PFKM: variants seen among roughly 807,000 people sequenced by gnomAD.
PFKM encodes the protein ATP-dependent 6-phosphofructokinase, muscle type.
A neutral mutation model predicts 95.5 loss-of-function variants in PFKM; 58 were observed. The observed-to-expected ratio is 0.61, with a 90% CI of 0.49 to 0.76. The LOEUF (loss-of-function observed/expected upper bound fraction) is 0.76, where lower values mean the gene tolerates loss of function less well. Ranked by LOEUF, PFKM falls within the 30% of genes least tolerant of loss-of-function variation. The pLI is 0.00. For synonymous variants in PFKM, 336 were observed against 357.2 expected (o/e 0.94, Z 0.67); for missense variants, 678 against 1,005.4 (o/e 0.67, Z 4.40).
At chr12:48,125,308 TG>T in intron 2 of PFKM, 1 of 451,210 alleles carries the variant, frequency 2.2e-6, no homozygotes, top group Non-Finnish European at 4.4e-6. Context: ...TTTATCTTTT[TG>T]ATTTTTTTTT....
At chr12:48,126,447 T>C (rs1477777419) in intron 2 of PFKM, among the ~76,000 whole-genome samples, 2 of 152,168 alleles carry the variant, frequency 1.3e-5, no homozygotes, top group Non-Finnish European at 2.9e-5. Flanking sequence ...ATGAATGACT[T>C]CTGGAAGTTG....
At chr12:48,143,875 T>C in intron 19 of PFKM, 61 bp downstream of exon 19, 1 of 1,354,172 alleles carries the variant, frequency 7.4e-7, no homozygotes, top group Non-Finnish European at 1.1e-6. Flanking sequence ...CTCAAACCCA[T>C]AGAATGGCCA....
In PFKM at chr12:48,141,840, C is replaced by T; in HGVS notation, c.1500+13C>T. 6.2e-7 allele frequency: 1 copy of T among 1,613,266 alleles called. No individual in the cohort carries two copies. Among genetic ancestry groups the T allele is most frequent in the South Asian group, 1.1e-5 (1 of 91,070 alleles). On this transcript the variant is annotated intron_variant, in intron 16 of 22. Transcript: ENST00000359794. Reference sequence around the variant, plus strand: ...TGGGGGCTTTGAGGTGAGTGCCTGCCACCATTTCTTCCTCTCTCCCTCCTA... The same window carrying T: ...TGGGGGCTTTGAGGTGAGTGCCTGCTACCATTTCTTCCTCTCTCCCTCCTA...
At chr12:48,142,973 A>G (rs1950704778) in intron 18 of PFKM, 27 bp downstream of exon 18, 1 of 1,604,824 alleles carries the variant, frequency 6.2e-7, no homozygotes, top group Non-Finnish European at 8.5e-7. Context: ...AGCCTGCTAG[A>G]TAGCTCTCCC....
chr12:48,122,574 A>G, intron 1 of PFKM, 193 bp from the exon 2 acceptor site: 1 of 1,427,258 alleles, frequency 7.0e-7, no homozygotes, highest in Non-Finnish European at 9.2e-7. Flanking sequence ...ATTACATGAC[A>G]TTTCAGCTTG....
intron 18 of PFKM, 105 bp from the exon 19 acceptor site, chr12:48,143,648 C>A: frequency 1.2e-6 from 1 of 850,800 alleles, no homozygotes; most frequent in Non-Finnish European, 2.0e-6. Context: ...AAACAACTCT[C>A]TTCCATGTGT....
chr12:48,112,460 A>G (rs1372648383), intron 3 of PFKM, among the ~76,000 whole-genome samples: 1 of 152,224 alleles, frequency 6.6e-6, no homozygotes, highest in Non-Finnish European at 1.5e-5. Context: ...TTTGGGCCTG[A>G]CTGAAGTAAT....
At chr12:48,134,896 C>T (rs1949919493) in intron 8 of PFKM, 47 bp from the exon 9 acceptor site, 1 of 1,586,178 alleles carries the variant, frequency 6.3e-7, no homozygotes. Flanking sequence ...TCTTTCCCAC[C>T]CATCAGCTTC....
At chr12:48,118,512 A>T (rs1466311409), upstream of PFKM, 4 of 1,521,960 alleles carry the variant, frequency 2.6e-6, no homozygotes, top group African/African-American at 5.5e-5. Context: ...CAAGTAAGCA[A>T]GAGGAAGAGG....
At chr12:48,110,534 C>T (rs1016134141) in intron 3 of PFKM, among the ~76,000 whole-genome samples, 2 of 152,156 alleles carry the variant, frequency 1.3e-5, no homozygotes, top group Non-Finnish European at 2.9e-5. Context: ...TGGTGAGGAA[C>T]TCATGTCGTC....
At chr12:48,141,879 T>A (rs202153778) in intron 16 of PFKM, 35 bp from the exon 17 acceptor site, 1 of 1,613,846 alleles carries the variant, frequency 6.2e-7, no homozygotes, top group East Asian at 2.2e-5. Context: ...CCTCTCCCTC[T>A]CCCCAATCCT....
intron 2 of PFKM, among the ~76,000 whole-genome samples, chr12:48,123,337 T>C (rs773005919): frequency 2.6e-5 from 4 of 152,122 alleles, no homozygotes; most frequent in Non-Finnish European, 4.4e-5. Context: ...CTCTGGCCTT[T>C]CCTCCTCTTC....
chr12:48,144,517 C>G (rs569698418), intron 20 of PFKM, among the ~76,000 whole-genome samples: 3 of 152,250 alleles, frequency 2.0e-5, no homozygotes, highest in African/African-American at 7.2e-5. Flanking sequence ...ATGCCAGTAG[C>G]ACCTCCCTCT....
At chr12:48,124,424 T>C (rs1283635803) in intron 2 of PFKM, among the ~76,000 whole-genome samples, 1 of 152,228 alleles carries the variant, frequency 6.6e-6, no homozygotes, top group East Asian at 1.9e-4. Flanking sequence ...ATTGTCAGAT[T>C]AGGGGAAGAA....
In PFKM at chr12:48,145,222, C is replaced by T; in HGVS notation, c.2105C>T (p.Ala702Val). ...TCCCTCATTGCAGGGCGGATCTTTG[C>T]CAATACTCCAGATTCGGGCTGTGTT... ...KESYRNGRIF[A>V]NTPDSGCVLG... The change falls in exon 22 of 23, where the codon GCC becomes GTC. Residue 702 changes from alanine (A) to valine (V), a missense_variant. Transcript: ENST00000359794. The surrounding 1 kb of genome is among the most constrained non-coding windows in gnomAD (Gnocchi z 4.3). 3 of 1,614,060 alleles carry T rather than the reference C, an allele frequency of 1.9e-6. No individual in the cohort carries two copies. Among genetic ancestry groups the T allele is most frequent in the Non-Finnish European group, 2.5e-6 (3 of 1,179,970 alleles).
intron 18 of PFKM, 95 bp downstream of exon 18, chr12:48,143,041 AGCTGATT>A (rs1950713119): frequency 8.3e-7 from 1 of 1,207,090 alleles, no homozygotes; most frequent in African/African-American, 1.5e-5. Context: ...TTGAGGACCG[AGCTGATT>A]GGTCTGTAGA....
chr12:48,119,846 C>T lies in PFKM; in HGVS notation c.-9+440C>T, dbSNP rs1022274105. 4 of 152,352 alleles carry T rather than the reference C, an allele frequency of 2.6e-5. No homozygotes were observed. In the South Asian group the frequency reaches 8.3e-4, roughly 32 times the overall value. The allele number at this position is 152,352 out of a possible 1,614,324, so 9.4% of individuals were successfully genotyped here. A position where few individuals can be genotyped will look rare whatever the true frequency, so the allele number is the denominator to read the frequency against. ...TGTGGGTCTGTAAGGGATGCTTATA[C>T]ATGAGTCTGCATGAATTTCTGTGTC... is the stretch of plus-strand genomic sequence containing the variant. On this transcript the variant is annotated intron_variant, in intron 1 of 22. Coordinates refer to ENST00000359794, the MANE Select transcript of PFKM (RefSeq NM_000289.6).
chr12:48,140,516 T>C (rs1425024535), intron 13 of PFKM, among the ~76,000 whole-genome samples: 1 of 152,242 alleles, frequency 6.6e-6, no homozygotes, highest in Non-Finnish European at 1.5e-5. Flanking sequence ...TATTTATTGA[T>C]CTGTGATCAA....
intron 1 of PFKM, chr12:48,106,355 T>C (rs540598020): frequency 3.0e-5 from 15 of 500,506 alleles, no homozygotes; most frequent in Non-Finnish European, 4.9e-5. Flanking sequence ...TTCCCTCTGC[T>C]CCCTTACCCG....
Sources: gnomAD v4.1 joint callset for allele counts (sites outside exome capture counted in the v4.1 genomes callset) on GRCh38, gnomAD v4.1.1 for gene constraint, Gnocchi (gnomAD v3.1) non-coding constraint, MANE v1.5 for transcripts, NCBI Gene and HGNC (gene_info 2026-07-23, HGNC 2026-07-21) for gene names.